Variants in YES1 observed in about 807,000 individuals in gnomAD.
The protein encoded by YES1 is YES proto-oncogene 1, Src family tyrosine kinase.
YES1 carries 39 observed loss-of-function variants against 70.4 expected under a neutral mutation model. The observed-to-expected ratio is 0.55, with a 90% CI of 0.43 to 0.72. The LOEUF is 0.72. Ranked by LOEUF, YES1 falls within the 30% of genes least tolerant of loss-of-function variation. YES1 has a pLI of 0.00. For missense variants in YES1, 495 were observed against 644.8 expected (o/e 0.77, Z 2.52); for synonymous variants, 198 against 218.6 (o/e 0.91, Z 0.83).
In YES1 at chr18:752,557, G is replaced by GC. The variant is rs369751364; in HGVS notation, c.272-754dup. On this transcript the variant is annotated intron_variant, in intron 2 of 11. Transcript: ENST00000314574. ...TCATATAAATAATGAATGAACAATT[G>GC]CATCTAATCATTACCAGTAATAACT... Among the ~76,000 whole-genome samples, 554 of 152,266 alleles carry GC rather than the reference G, an allele frequency of 3.6e-3. 5 individuals carry two copies. The highest frequency in any genetic ancestry group is 0.013 in the African/African-American group (540 of 41,548).
chr18:776,361 T>C (rs574891181), intron 1 of YES1, among the ~76,000 whole-genome samples: 1 of 152,152 alleles, frequency 6.6e-6, no homozygotes, highest in Admixed American at 6.5e-5. Context: ...GCCTGGCCAA[T>C]CTTTTAAAAT....
At chr18:799,809 G>C (rs1906729805) in intron 1 of YES1, among the ~76,000 whole-genome samples, 1 of 152,084 alleles carries the variant, frequency 6.6e-6, no homozygotes, top group Non-Finnish European at 1.5e-5. Context: ...GCTGAGGTGA[G>C]AGGATCACTT....
At chr18:745,539 C>A (rs566471693) in intron 6 of YES1, among the ~76,000 whole-genome samples, 169 bp downstream of exon 6, 55 of 152,250 alleles carry the variant, frequency 3.6e-4, no homozygotes, top group Admixed American at 1.4e-3. Flanking sequence ...TAGCACAATG[C>A]AAGTACTAAG....
In YES1 at chr18:756,775, G is replaced by A. The variant is rs1182042658; in HGVS notation, c.53C>T (p.Pro18Leu). 11 of 1,614,076 alleles carry A rather than the reference G, an allele frequency of 6.8e-6. No homozygotes were observed. The highest frequency in any genetic ancestry group is 9.3e-6 in the Non-Finnish European group (11 of 1,180,004). The change falls in exon 2 of 12, where the codon CCT becomes CTT. Residue 18 changes from proline (P) to leucine (L), a missense_variant. By Grantham distance (98) the Pro-to-Leu change is moderately conservative. This residue lies in a region of YES1 where 110 missense variants were observed against 104.0 expected (regional missense o/e 1.06). Transcript: ENST00000314574. ...ACTGACAGGCTCTGGAGTATTTTCA[G>A]GTCTGTATTTAATGGCTGGACTTTT... The part of the protein sequence containing the change: ...ENKSPAIKYR[P>L]ENTPEPVSTS...
rs187796473 is a variant in YES1 at position 757,307 on chromosome 18, T to C, written c.-8-472A>G. Among the ~76,000 whole-genome samples, 458 of 150,734 alleles carry C rather than the reference T, an allele frequency of 3.0e-3. 4 individuals are homozygous for C. The highest frequency in any genetic ancestry group is 6.9e-3 in the Middle Eastern group (2 of 288). ...TCACGAGGTCAGGAGATTGAGACCATCCTGGCTAACACGGTGAAACCCCGC... is the reference window on the plus strand; with the variant it reads ...TCACGAGGTCAGGAGATTGAGACCACCCTGGCTAACACGGTGAAACCCCGC... On this transcript the variant is annotated intron_variant, in intron 1 of 11. Transcript: ENST00000314574.
intron 11 of YES1, among the ~76,000 whole-genome samples, chr18:725,393 T>C (rs1340819717): frequency 1.3e-5 from 2 of 152,218 alleles, no homozygotes; most frequent in Non-Finnish European, 2.9e-5. Context: ...ATATTTAAAA[T>C]AGTCTATGAT....
At chr18:811,285 A>G (rs1907365550) in intron 1 of YES1, among the ~76,000 whole-genome samples, 1 of 152,186 alleles carries the variant, frequency 6.6e-6, no homozygotes, top group South Asian at 2.1e-4. Context: ...CCACGCCTGT[A>G]TCAATTAATT....
intron 11 of YES1, among the ~76,000 whole-genome samples, chr18:728,791 T>C (rs186924856): frequency 6.6e-6 from 1 of 152,346 alleles, no homozygotes; most frequent in East Asian, 1.9e-4. Context: ...CCCAAAGTAC[T>C]GGGATTACAG....
intron 11 of YES1, among the ~76,000 whole-genome samples, chr18:724,995 C>T (rs1249255233): frequency 1.3e-5 from 2 of 152,116 alleles, no homozygotes; most frequent in African/African-American, 4.8e-5. Context: ...GTGGCAAGAT[C>T]CTGTCTGAAA....
chr18:764,315 T>C (rs1046161881), intron 1 of YES1, among the ~76,000 whole-genome samples: 11 of 152,276 alleles, frequency 7.2e-5, no homozygotes, highest in East Asian at 1.9e-4. Flanking sequence ...CTCTGCCTCC[T>C]GGATTCAAGT....
At chr18:805,338 T>A (rs1907046603) in intron 1 of YES1, among the ~76,000 whole-genome samples, 1 of 152,172 alleles carries the variant, frequency 6.6e-6, no homozygotes, top group Non-Finnish European at 1.5e-5. Context: ...GTAGAAGAGA[T>A]ACAGTAATTA....
At chr18:794,272 T>C (rs6506537) in intron 1 of YES1, among the ~76,000 whole-genome samples, 45,054 of 151,972 alleles carry the variant, frequency 0.3, 7,200 homozygotes, top group Admixed American at 0.39. Context: ...AAATTCATAA[T>C]CTAAATCAAA....
chr18:727,625 C>A (rs560749131), intron 11 of YES1, among the ~76,000 whole-genome samples: 1 of 152,090 alleles, frequency 6.6e-6, no homozygotes, highest in East Asian at 1.9e-4. Flanking sequence ...ATCATTGAGA[C>A]TACAATATGC....
chr18:764,963 T>C (rs553427887), intron 1 of YES1, among the ~76,000 whole-genome samples: 3 of 151,466 alleles, frequency 2.0e-5, no homozygotes, highest in East Asian at 2.0e-4. Flanking sequence ...CTCAAACTCC[T>C]GACCTTGTGA....
chr18:807,337 A>G (rs2145844428), intron 1 of YES1, among the ~76,000 whole-genome samples: 1 of 151,854 alleles, frequency 6.6e-6, no homozygotes, highest in Admixed American at 6.6e-5. Context: ...TCATCAAAAA[A>G]AAAAAAAAAA....
chr18:798,222 A>G (rs1204592613), intron 1 of YES1: 1 of 152,250 alleles, frequency 6.6e-6, no homozygotes, highest in Non-Finnish European at 1.5e-5. Flanking sequence ...AAAAGGAGAT[A>G]AACTATGTGT....
At position 747,100 on chromosome 18, in the gene YES1, T is replaced by A. The variant is rs149962387; in HGVS notation, c.470+820A>T. On this transcript the variant is annotated intron_variant, in intron 4 of 11. Coordinates refer to ENST00000314574, the MANE Select transcript of YES1 (RefSeq NM_005433.4). ...ACTAACTGAAAGTAATATTCTTTCA[T>A]GGGCATATTACTTTTATAATCATAA... 2.6e-3 allele frequency among the ~76,000 whole-genome samples: 393 copies of A among 152,330 alleles called. 4 individuals are homozygous for A. Among genetic ancestry groups the A allele is most frequent in the East Asian group, 0.01 (54 of 5,188 alleles).
rs372882192 is a variant in YES1 at position 794,949 on chromosome 18, C to T, written c.-9+17165G>A. Among the ~76,000 whole-genome samples the T allele has an allele frequency of 3.0e-4, 45 of 152,148 alleles. 1 individual carries two copies. The highest frequency in any genetic ancestry group is 1.0e-3 in the African/African-American group (42 of 41,550). ...TCCTGCCTCAGCCTCCCAAGTTGCT[C>T]GAACTACAGGCGCGTGCCACCATGC... On this transcript the variant is annotated intron_variant, in intron 1 of 11. Coordinates refer to ENST00000314574, the MANE Select transcript of YES1 (RefSeq NM_005433.4).
intron 1 of YES1, among the ~76,000 whole-genome samples, chr18:770,754 C>T (rs780460362): frequency 2.0e-5 from 3 of 152,092 alleles, no homozygotes; most frequent in Non-Finnish European, 2.9e-5. Context: ...AAGTCTAAAA[C>T]CCATTGTTTC....
Sources: gnomAD v4.1 joint callset for allele counts (sites outside exome capture counted in the v4.1 genomes callset) on GRCh38, gnomAD v4.1.1 for gene constraint, gnomAD v4.1.1 regional missense constraint, MANE v1.5 for transcripts, NCBI Gene and HGNC (gene_info 2026-07-23, HGNC 2026-07-21) for gene names.